The following SLC27A6 variants were observed in gnomAD, a reference collection of about 807,000 sequenced individuals.
SLC27A6 encodes the protein long-chain fatty acid transport protein 6.
A neutral mutation model predicts 63.9 loss-of-function variants in SLC27A6; 74 were observed. The ratio of observed to expected loss-of-function variants is 1.16; its 90% CI spans 0.96 to 1.40. SLC27A6 has a LOEUF of 1.40. Among genes scored for constraint, SLC27A6 ranks in the 40% most tolerant of loss-of-function variants. The pLI, the probability that SLC27A6 is intolerant of heterozygous loss-of-function variation, is 0.00. For synonymous variants in SLC27A6, 287 were observed against 260.8 expected (o/e 1.10, Z -0.97); for missense variants, 794 against 732.9 (o/e 1.08, Z -0.96).
At chr5:128,993,409 A>C (rs998175019) in intron 4 of SLC27A6, among the ~76,000 whole-genome samples, 2 of 152,170 alleles carry the variant, frequency 1.3e-5, no homozygotes, top group African/African-American at 4.8e-5. Context: ...GTTTTTAATT[A>C]GAAAAAGTAA....
chr5:128,985,089 A>C (rs775259854), intron 1 of SLC27A6, 44 bp from the exon 2 acceptor site: 3 of 1,410,914 alleles, frequency 2.1e-6, no homozygotes, highest in Non-Finnish European at 3.0e-6. Context: ...GAATTGTTTG[A>C]GATTTAAGGT....
intron 7 of SLC27A6, 95 bp downstream of exon 7, chr5:129,027,426 C>A (rs1437526773): frequency 9.0e-6 from 8 of 893,030 alleles, no homozygotes; most frequent in Non-Finnish European, 1.2e-5. Flanking sequence ...GCTTTCAGGG[C>A]AGACAGAGCC....
chr5:128,999,612 A>G (rs971171191), intron 4 of SLC27A6, among the ~76,000 whole-genome samples: 1 of 152,124 alleles, frequency 6.6e-6, no homozygotes, highest in East Asian at 1.9e-4. Context: ...AAAAATAGCC[A>G]AAGTCCAACT....
At chr5:129,023,481 T>C (rs1394953768) in intron 5 of SLC27A6, 139 bp from the exon 6 acceptor site, 1 of 514,878 alleles carries the variant, frequency 1.9e-6, no homozygotes, top group African/African-American at 2.0e-5. Context: ...TCAGTAAAAG[T>C]TGTTTTAATA....
intron 9 of SLC27A6, 48 bp downstream of exon 9, chr5:129,029,755 G>A (rs1340680854): frequency 2.0e-6 from 3 of 1,511,824 alleles, no homozygotes; most frequent in Middle Eastern, 2.1e-4. Context: ...CAGTAAACAA[G>A]GAAGTAGTTT....
chr5:129,030,409 T>C (rs1314800863), intron 9 of SLC27A6, among the ~76,000 whole-genome samples: 1 of 152,012 alleles, frequency 6.6e-6, no homozygotes, highest in African/African-American at 2.4e-5. Context: ...AATACATTTG[T>C]TATTTCACTA....
Position 129,028,289 on chromosome 5 carries a change from G to A in SLC27A6, c.1455-56G>A, listed in dbSNP as rs1752309226. 5 of 1,134,922 alleles carry A rather than the reference G, an allele frequency of 4.4e-6. 1 individual carries two copies. The highest frequency in any genetic ancestry group is 3.8e-5 in the South Asian group (3 of 79,854). 70.3% of individuals were successfully genotyped at this position (1,134,922 alleles called of 1,614,324 possible). ...TGCAAGACATTAAAACTAAAACTGG[G>A]TACCTAGTTTTTCAAATACAGGTGC... On this transcript the variant is annotated intron_variant, in intron 7 of 9. Coordinates refer to ENST00000262462, the MANE Select transcript of SLC27A6 (RefSeq NM_001017372.3).
intron 1 of SLC27A6, among the ~76,000 whole-genome samples, chr5:128,973,810 C>T (rs981084359): frequency 3.3e-5 from 5 of 152,218 alleles, no homozygotes; most frequent in Non-Finnish European, 4.4e-5. Flanking sequence ...GAGATGAATC[C>T]GGTACCTCAG....
chr5:129,019,321 G>A (rs1350618830), intron 5 of SLC27A6, among the ~76,000 whole-genome samples: 2 of 151,522 alleles, frequency 1.3e-5, no homozygotes, highest in Non-Finnish European at 2.9e-5. Context: ...TAACTAGGAA[G>A]AGACAAACAT....
intron 1 of SLC27A6, among the ~76,000 whole-genome samples, chr5:128,981,361 A>T (rs1183161218): frequency 6.6e-6 from 1 of 151,902 alleles, no homozygotes; most frequent in African/African-American, 2.4e-5. Context: ...GGCATCTGTA[A>T]TCCCAGCTAC....
intron 4 of SLC27A6, among the ~76,000 whole-genome samples, chr5:129,010,800 G>A (rs759713014): frequency 1.3e-5 from 2 of 151,982 alleles, no homozygotes; most frequent in African/African-American, 4.8e-5. Flanking sequence ...CATGAGCTTG[G>A]AAGGAGATAC....
intron 1 of SLC27A6, among the ~76,000 whole-genome samples, chr5:128,969,423 G>A (rs974661826): frequency 2.6e-5 from 4 of 152,046 alleles, no homozygotes; most frequent in Non-Finnish European, 5.9e-5. Context: ...ATTTGTTTGT[G>A]TCCTCTTTTT....
intron 1 of SLC27A6, among the ~76,000 whole-genome samples, chr5:128,971,754 C>T (rs554400284): frequency 6.6e-6 from 1 of 152,248 alleles, no homozygotes; most frequent in South Asian, 2.1e-4. Flanking sequence ...GACATTTAGT[C>T]CATTTACATT....
chr5:128,977,276 T>C (rs968157169), intron 1 of SLC27A6, among the ~76,000 whole-genome samples: 2 of 152,226 alleles, frequency 1.3e-5, no homozygotes, highest in African/African-American at 4.8e-5. Flanking sequence ...ATTTCCTCAG[T>C]TCAAGAGTTT....
At chr5:129,017,934 T>C (rs1228907521) in intron 5 of SLC27A6, among the ~76,000 whole-genome samples, 1 of 152,086 alleles carries the variant, frequency 6.6e-6, no homozygotes, top group African/African-American at 2.4e-5. Context: ...TTCCAGATAA[T>C]GCAGAAGGAG....
chr5:128,980,918 G>A (rs927157891), intron 1 of SLC27A6, among the ~76,000 whole-genome samples: 1 of 152,064 alleles, frequency 6.6e-6, no homozygotes, highest in Admixed American at 6.6e-5. Context: ...GCATATTAGA[G>A]GGATACATAA....
rs971001983 is a variant in SLC27A6, at chr5:129,006,204, G to A, written c.970-9681G>A. ...CGCCATTCTCCCGCCTCAGCCTCCC[G>A]AGTAGCTGGCACTACAGGCGCCAGC... On this transcript the variant is annotated intron_variant, in intron 4 of 9. Transcript: ENST00000262462. Among the ~76,000 whole-genome samples the A allele has an allele frequency of 4.7e-5, 7 of 149,436 alleles. No homozygotes were observed. In the East Asian group the frequency reaches 6.1e-4, roughly 13 times the overall value.
intron 4 of SLC27A6, among the ~76,000 whole-genome samples, chr5:128,999,590 A>G (rs1751266377): frequency 1.3e-5 from 2 of 152,114 alleles, no homozygotes; most frequent in East Asian, 3.9e-4. Context: ...TAGAAATCTG[A>G]CATCTTACCT....
At position 128,978,679 on chromosome 5, in the gene SLC27A6, A is replaced by C. The variant is rs543995890; in HGVS notation, c.482-6454A>C. Among the ~76,000 whole-genome samples, 12 of 152,340 alleles carry C rather than the reference A, an allele frequency of 7.9e-5. 1 individual carries two copies. Among genetic ancestry groups the C allele is most frequent in the Admixed American group, 1.3e-4 (2 of 15,292 alleles). ...AATAGAGTTTTTCTAAAATGTACCA[A>C]AACAATGTGTTTAAGGTTCTATTTC... On this transcript the variant is annotated intron_variant, in intron 1 of 9. Transcript: ENST00000262462.
Sources: allele counts gnomAD v4.1 joint callset (sites outside exome capture counted in the v4.1 genomes callset), GRCh38; gene constraint gnomAD v4.1.1; transcripts MANE v1.5; gene names NCBI Gene and HGNC (gene_info 2026-07-23, HGNC 2026-07-21).